Variants in OSBPL10 observed in about 807,000 individuals in gnomAD.
OSBPL10 encodes the protein oxysterol binding protein like 10.
In OSBPL10, 49 loss-of-function variants were observed where a neutral mutation model predicts 81.7. The observed-to-expected ratio is 0.60, with a 90% CI of 0.48 to 0.76. OSBPL10 has a LOEUF of 0.76. OSBPL10 is among the 30% of genes least tolerant of loss of function. The probability of loss-of-function intolerance (pLI) is 0.00; values close to 1 mark genes in which losing one functional copy is unlikely to be tolerated. For synonymous variants in OSBPL10, 419 were observed against 383.6 expected (o/e 1.09, Z -1.08); for missense variants, 923 against 987.8 (o/e 0.93, Z 0.88).
intron 7 of OSBPL10, among the ~76,000 whole-genome samples, chr3:31,700,840 A>G (rs1322037603): frequency 6.6e-6 from 1 of 152,226 alleles, no homozygotes; most frequent in Admixed American, 6.5e-5. Flanking sequence ...AATAAGCATT[A>G]TCCAGCTAGG....
chr3:31,777,894 G>A (rs1698584730), intron 4 of OSBPL10, among the ~76,000 whole-genome samples: 1 of 152,224 alleles, frequency 6.6e-6, no homozygotes, highest in South Asian at 2.1e-4. Flanking sequence ...AGCCATGCCT[G>A]ACAATGTCTC....
At position 32,063,495 on chromosome 3, in the gene OSBPL10, G is replaced by A. The variant is rs1394782712; in HGVS notation, n.185+13901C>T. ...AGGGGTGGAGGGCAGAACCTTCCTC[G>A]TCAAATTTTTAAGGAAGATTCAGTG... On this transcript the variant is annotated intron_variant and non_coding_transcript_variant, in intron 1 of 3. Coordinates refer to the OSBPL10 transcript ENST00000479173. Among the ~76,000 whole-genome samples the A allele has an allele frequency of 5.4e-5, 5 of 92,378 alleles. 2 individuals are homozygous for A. The highest frequency in any genetic ancestry group is 1.2e-4 in the Non-Finnish European group (4 of 34,488). The allele number at this position is 92,378 out of a possible 152,430, so 60.6% of individuals were successfully genotyped here.
chr3:31,862,950 C>G (rs1701094357), intron 3 of OSBPL10, among the ~76,000 whole-genome samples: 2 of 152,112 alleles, frequency 1.3e-5, no homozygotes, highest in Non-Finnish European at 2.9e-5. Context: ...CAAACTCACA[C>G]AAAAACTGGC....
chr3:32,031,126 T>A (rs1045834906), intron 2 of OSBPL10, among the ~76,000 whole-genome samples: 1 of 151,040 alleles, frequency 6.6e-6, no homozygotes, highest in African/African-American at 2.4e-5. Flanking sequence ...GTCGTGACAC[T>A]GCACTCTAGC....
chr3:31,681,507 A>C (rs1479963233), intron 8 of OSBPL10, among the ~76,000 whole-genome samples: 2 of 151,924 alleles, frequency 1.3e-5, no homozygotes, highest in African/African-American at 4.8e-5. Flanking sequence ...CACTAGTGCT[A>C]CTCCACTGAC....
intron 1 of OSBPL10, among the ~76,000 whole-genome samples, chr3:32,058,673 T>C (rs986442354): frequency 4.6e-5 from 7 of 152,062 alleles, no homozygotes; most frequent in Non-Finnish European, 1.0e-4. Context: ...TGAATTGTTG[T>C]TGTTGTTTTT....
intron 4 of OSBPL10, among the ~76,000 whole-genome samples, chr3:31,805,572 C>G (rs1699499484): frequency 6.6e-6 from 1 of 152,192 alleles, no homozygotes. Context: ...TAAGCACGCA[C>G]TACTAACAAA....
At chr3:31,886,149 G>A (rs1348073635) in intron 1 of OSBPL10, among the ~76,000 whole-genome samples, 1 of 151,974 alleles carries the variant, frequency 6.6e-6, no homozygotes, top group East Asian at 1.9e-4. Flanking sequence ...ATCTTTCTTT[G>A]AAGCACTCTG....
chr3:31,885,618 C>T (rs1046253024), intron 1 of OSBPL10, among the ~76,000 whole-genome samples: 3 of 152,038 alleles, frequency 2.0e-5, no homozygotes, highest in Non-Finnish European at 4.4e-5. Flanking sequence ...TACATGTTTC[C>T]TTTGTCGGGG....
intron 1 of OSBPL10, among the ~76,000 whole-genome samples, chr3:31,972,389 A>G (rs1698589934): frequency 6.6e-6 from 1 of 152,030 alleles, no homozygotes; most frequent in Admixed American, 6.5e-5. Flanking sequence ...ACTCTGTCTC[A>G]AAAAGAAAAA....
At chr3:31,923,144 CCT>C (rs1696965857) in intron 1 of OSBPL10, among the ~76,000 whole-genome samples, 1 of 152,146 alleles carries the variant, frequency 6.6e-6, no homozygotes, top group East Asian at 1.9e-4. Context: ...TAACCACTCT[CCT>C]CTTATTGAAG....
intron 8 of OSBPL10, among the ~76,000 whole-genome samples, chr3:31,676,694 C>T: frequency 6.6e-6 from 1 of 151,976 alleles, no homozygotes; most frequent in East Asian, 1.9e-4. Flanking sequence ...CTCATTAGAA[C>T]TAACTGTTTT....
chr3:32,022,023 G>A (rs1699367589), intron 2 of OSBPL10, among the ~76,000 whole-genome samples: 1 of 151,634 alleles, frequency 6.6e-6, no homozygotes, highest in Non-Finnish European at 1.5e-5. Flanking sequence ...CTAGATATAA[G>A]TCGTTTGTCA....
chr3:31,965,547 TATATATTATATAAATTATATATTATATA>T (rs1559534897), intron 1 of OSBPL10, among the ~76,000 whole-genome samples: 42 of 7,166 alleles, frequency 5.9e-3, no homozygotes, highest in African/African-American at 0.015. Flanking sequence ...AATTATATAT[TATATATTATATAAATTATATATTATATA>T]ATATATTATA....
intron 2 of OSBPL10, chr3:31,990,033 A>T: frequency 6.2e-7 from 1 of 1,614,056 alleles, no homozygotes; most frequent in Non-Finnish European, 8.5e-7. Flanking sequence ...AATGTGAAGA[A>T]TGTGACAAAG....
intron 1 of OSBPL10, among the ~76,000 whole-genome samples, chr3:31,892,220 G>A (rs1695912733): frequency 6.6e-6 from 1 of 151,994 alleles, no homozygotes; most frequent in South Asian, 2.1e-4. Context: ...GGACGGAGTG[G>A]GGAGAGGGAA....
intron 1 of OSBPL10, among the ~76,000 whole-genome samples, chr3:31,892,533 A>T (rs1695923370): frequency 6.6e-6 from 1 of 152,184 alleles, no homozygotes; most frequent in African/African-American, 2.4e-5. Context: ...CTCCCCAAAA[A>T]AGTCAACTAT....
At chr3:31,833,401 T>C (rs1287220159) in intron 3 of OSBPL10, among the ~76,000 whole-genome samples, 1 of 152,180 alleles carries the variant, frequency 6.6e-6, no homozygotes, top group Non-Finnish European at 1.5e-5. Flanking sequence ...ATATTGACCC[T>C]TAAAAGTCAC....
chr3:32,038,136 A>G (rs1456337595), intron 2 of OSBPL10, among the ~76,000 whole-genome samples: 1 of 152,162 alleles, frequency 6.6e-6, no homozygotes, highest in East Asian at 1.9e-4. Flanking sequence ...AGTCCAGGGA[A>G]AGAGCCCTTA....
Sources: allele counts gnomAD v4.1 joint callset (sites outside exome capture counted in the v4.1 genomes callset), GRCh38; gene constraint gnomAD v4.1.1; transcripts MANE v1.5; gene names NCBI Gene and HGNC (gene_info 2026-07-23, HGNC 2026-07-21).